Variants in CCSER1 observed in about 807,000 individuals in gnomAD.
The protein encoded by CCSER1 is serine-rich coiled-coil domain-containing protein 1.
CCSER1 carries 41 observed loss-of-function variants against 82.0 expected under a neutral mutation model. The observed-to-expected ratio is 0.50, with a 90% confidence interval of 0.39 to 0.65. The LOEUF is 0.65. CCSER1 is among the 30% of genes least tolerant of loss of function. The pLI is 0.00. For missense variants in CCSER1, 1,119 were observed against 1,064.2 expected (o/e 1.05, Z -0.72); for synonymous variants, 414 against 383.9 (o/e 1.08, Z -0.92).
At chr4:90,991,969 T>C (rs1737071371) in intron 9 of CCSER1, among the ~76,000 whole-genome samples, 1 of 152,076 alleles carries the variant, frequency 6.6e-6, no homozygotes, top group South Asian at 2.1e-4. Flanking sequence ...GCTTGTTAGT[T>C]CTTGCCTTAC....
intron 8 of CCSER1, among the ~76,000 whole-genome samples, chr4:90,822,510 C>T (rs1474786157): frequency 2.6e-5 from 4 of 152,070 alleles, no homozygotes; most frequent in African/African-American, 7.2e-5. Context: ...GGGCGAATCA[C>T]GAGGTCAGGA....
intron 1 of CCSER1, among the ~76,000 whole-genome samples, chr4:90,273,370 T>G (rs930403865): frequency 6.6e-6 from 1 of 152,164 alleles, no homozygotes; most frequent in Admixed American, 6.6e-5. Flanking sequence ...AGAATATAAT[T>G]GTTTGTAACA....
chr4:91,382,784 G>A (rs541510704), intron 10 of CCSER1, among the ~76,000 whole-genome samples: 76 of 152,182 alleles, frequency 5.0e-4, no homozygotes, highest in Middle Eastern at 3.4e-3. Flanking sequence ...GAAATCACCC[G>A]TCTTCTGCGT....
chr4:90,242,863 T>A (rs536148404), intron 1 of CCSER1, among the ~76,000 whole-genome samples: 1 of 152,230 alleles, frequency 6.6e-6, no homozygotes, highest in Admixed American at 6.5e-5. Context: ...CCAAAAGTAA[T>A]GAACAGAGAT....
intron 5 of CCSER1, among the ~76,000 whole-genome samples, chr4:90,556,797 G>A (rs1273133929): frequency 1.3e-5 from 2 of 151,656 alleles, no homozygotes; most frequent in East Asian, 3.9e-4. Context: ...AGACATATAA[G>A]TGGACTTGCT....
intron 6 of CCSER1, among the ~76,000 whole-genome samples, chr4:90,695,184 A>AC (rs1299417006): frequency 2.0e-5 from 3 of 151,666 alleles, no homozygotes; most frequent in Non-Finnish European, 4.4e-5. Flanking sequence ...AAATTCAAGG[A>AC]CACAGTGCTT....
intron 5 of CCSER1, among the ~76,000 whole-genome samples, chr4:90,569,598 A>G (rs1237981359): frequency 6.6e-6 from 1 of 152,226 alleles, no homozygotes; most frequent in Non-Finnish European, 1.5e-5. Context: ...TATGACCTCC[A>G]TAGACCTTTA....
At chr4:90,611,720 A>G (rs1202180054) in intron 5 of CCSER1, among the ~76,000 whole-genome samples, 1 of 148,166 alleles carries the variant, frequency 6.7e-6, no homozygotes, top group African/African-American at 2.4e-5. Flanking sequence ...TGAACAGGAT[A>G]TAATATATAA....
At chr4:91,357,914 A>G (rs1203915090) in intron 10 of CCSER1, among the ~76,000 whole-genome samples, 1 of 92,242 alleles carries the variant, frequency 1.1e-5, no homozygotes, top group Non-Finnish European at 1.9e-5. Context: ...GAAGATAACC[A>G]TTCCTTTTTT....
chr4:91,390,960 G>C (rs1245693647), intron 10 of CCSER1, among the ~76,000 whole-genome samples: 1 of 151,874 alleles, frequency 6.6e-6, no homozygotes, highest in African/African-American at 2.4e-5. Flanking sequence ...TGTGCCTTCT[G>C]TCTTTTTTTC....
At chr4:91,395,293 T>G (rs1371819134) in intron 10 of CCSER1, among the ~76,000 whole-genome samples, 1 of 152,066 alleles carries the variant, frequency 6.6e-6, no homozygotes, top group Non-Finnish European at 1.5e-5. Flanking sequence ...GGTCTCACTT[T>G]GTAGTACACC....
chr4:91,149,963 C>CT (rs926265537), intron 10 of CCSER1, among the ~76,000 whole-genome samples: 8 of 151,866 alleles, frequency 5.3e-5, no homozygotes, highest in African/African-American at 1.7e-4. Context: ...GCAATGCAGG[C>CT]TTTTTTTTGG....
At chr4:91,500,737 A>G (rs113539273) in intron 10 of CCSER1, among the ~76,000 whole-genome samples, 1,749 of 152,126 alleles carry the variant, frequency 0.011, 11 homozygotes, top group African/African-American at 0.023. Context: ...AAAAATGTAG[A>G]TAACAATAAA....
At chr4:90,378,029 C>T (rs988333714) in intron 3 of CCSER1, among the ~76,000 whole-genome samples, 1 of 152,052 alleles carries the variant, frequency 6.6e-6, no homozygotes, top group Non-Finnish European at 1.5e-5. Flanking sequence ...AGCATTTGTT[C>T]ATTCATTAAT....
intron 1 of CCSER1, among the ~76,000 whole-genome samples, chr4:90,248,923 C>G (rs1422858502): frequency 6.6e-6 from 1 of 151,998 alleles, no homozygotes; most frequent in East Asian, 1.9e-4. Flanking sequence ...TGATCTCAAA[C>G]TCCTAATCTC....
chr4:90,380,350 A>T (rs1194588649), intron 3 of CCSER1, among the ~76,000 whole-genome samples: 1 of 152,168 alleles, frequency 6.6e-6, no homozygotes, highest in Non-Finnish European at 1.5e-5. Context: ...TCAGGTTCTA[A>T]TTTTGATAAA....
chr4:91,463,241 C>A (rs953441980), intron 10 of CCSER1, among the ~76,000 whole-genome samples: 2 of 152,194 alleles, frequency 1.3e-5, no homozygotes, highest in Non-Finnish European at 2.9e-5. Flanking sequence ...GATACCCAGG[C>A]AAACAGGGTC....
At chr4:90,606,033 TG>T (rs1311969076) in intron 5 of CCSER1, among the ~76,000 whole-genome samples, 4 of 152,286 alleles carry the variant, frequency 2.6e-5, no homozygotes, top group South Asian at 4.1e-4. Context: ...AGATACCTAT[TG>T]ATTATAATTT....
At chr4:90,339,790 CT>C (rs572285646) in intron 3 of CCSER1, among the ~76,000 whole-genome samples, 1 of 151,892 alleles carries the variant, frequency 6.6e-6, no homozygotes, top group East Asian at 1.9e-4. Context: ...ACCATGCTTC[CT>C]TTTTTCTCAA....
Sources: gnomAD v4.1 joint callset for allele counts (sites outside exome capture counted in the v4.1 genomes callset) on GRCh38, gnomAD v4.1.1 for gene constraint, MANE v1.5 for transcripts, NCBI Gene and HGNC (gene_info 2026-07-23, HGNC 2026-07-21) for gene names.